The following SORCS2 variants were observed in gnomAD, a reference collection of about 807,000 sequenced individuals.
SORCS2 encodes VPS10 domain-containing receptor SorCS2.
SORCS2 carries 100 observed loss-of-function variants against 141.6 expected under a neutral mutation model. The observed-to-expected ratio is 0.71, with a 90% CI of 0.60 to 0.83. SORCS2 has a LOEUF of 0.83. SORCS2 is among the 40% of genes least tolerant of loss of function. The pLI, the probability that SORCS2 is intolerant of heterozygous loss-of-function variation, is 0.00. For missense variants in SORCS2, 1,646 were observed against 1,560.2 expected (o/e 1.05, Z -0.93); for synonymous variants, 789 against 676.9 (o/e 1.17, Z -2.57).
rs546444856 is a variant in SORCS2, at chr4:7,331,104, C to T, written c.481-65184C>T. ...CTCCAGGGCCAGGGAGGGCTAGGGGCGGCGAGAGGCTGGGGGTGGGGACAG... is the reference window on the plus strand; with the variant it reads ...CTCCAGGGCCAGGGAGGGCTAGGGGTGGCGAGAGGCTGGGGGTGGGGACAG... On this transcript the variant is annotated intron_variant, in intron 1 of 26. Coordinates refer to ENST00000507866, the MANE Select transcript of SORCS2 (RefSeq NM_020777.3). Among the ~76,000 whole-genome samples, 493 of 147,654 alleles carry T rather than the reference C, an allele frequency of 3.3e-3. 1 individual carries two copies. The highest frequency in any genetic ancestry group is 6.9e-3 in the East Asian group (34 of 4,956).
At chr4:7,667,093 C>G in intron 7 of SORCS2, 31 bp from the exon 8 acceptor site, 2 of 1,580,550 alleles carry the variant, frequency 1.3e-6, no homozygotes, top group South Asian at 1.1e-5. Context: ...GGAATCAAGC[C>G]TCTCAAAAAT....
chr4:7,580,795 G>A (rs996199057), intron 3 of SORCS2, among the ~76,000 whole-genome samples: 2 of 152,108 alleles, frequency 1.3e-5, no homozygotes, highest in African/African-American at 4.8e-5. Flanking sequence ...TTCTTCCATC[G>A]TGTAAAAGTT....
chr4:7,534,928 T>C (rs1447058125), intron 3 of SORCS2, among the ~76,000 whole-genome samples: 1 of 152,090 alleles, frequency 6.6e-6, no homozygotes, highest in Non-Finnish European at 1.5e-5. Flanking sequence ...GCTGCAGGGG[T>C]TGGGGCTGGG....
chr4:7,609,794 C>T (rs900689966), intron 3 of SORCS2, among the ~76,000 whole-genome samples: 4 of 152,244 alleles, frequency 2.6e-5, no homozygotes, highest in African/African-American at 4.8e-5. Flanking sequence ...GTCTCCGCTG[C>T]GCACTCTCAT....
At chr4:7,532,374 C>T (rs1276339610) in intron 3 of SORCS2, among the ~76,000 whole-genome samples, 14 of 152,246 alleles carry the variant, frequency 9.2e-5, no homozygotes, top group Admixed American at 9.2e-4. Context: ...ATGTCACCCA[C>T]ACCTCGCACA....
intron 8 of SORCS2, among the ~76,000 whole-genome samples, chr4:7,667,753 C>G (rs985249640): frequency 3.9e-5 from 6 of 152,190 alleles, no homozygotes; most frequent in Admixed American, 1.3e-4. Flanking sequence ...CCTTAGAAGG[C>G]GAAGAAGGGG....
chr4:7,338,126 GATGGATGGATGTTGGTTGC>G (rs1282580348), intron 1 of SORCS2, among the ~76,000 whole-genome samples: 1 of 151,934 alleles, frequency 6.6e-6, no homozygotes, highest in Non-Finnish European at 1.5e-5. Context: ...TGGATGGATG[GATGGATGGATGTTGGTTGC>G]ATGGATGGAT....
chr4:7,539,978 C>T (rs1712465333), intron 3 of SORCS2, among the ~76,000 whole-genome samples: 1 of 149,788 alleles, frequency 6.7e-6, no homozygotes, highest in African/African-American at 2.5e-5. Flanking sequence ...ACCGCCCCTT[C>T]CTGTTGCAAA....
At chr4:7,415,500 C>A (rs936011189) in intron 2 of SORCS2, among the ~76,000 whole-genome samples, 2 of 152,170 alleles carry the variant, frequency 1.3e-5, no homozygotes, top group African/African-American at 4.8e-5. Context: ...CTTTTAGGGA[C>A]CCCTGGGGTG....
intron 1 of SORCS2, among the ~76,000 whole-genome samples, chr4:7,242,785 G>C (rs886474841): frequency 2.0e-5 from 3 of 152,192 alleles, no homozygotes; most frequent in African/African-American, 7.2e-5. Flanking sequence ...GCTGATGCTC[G>C]GTCAGTCTTA....
At chr4:7,662,843 G>A (rs73794362) in intron 6 of SORCS2, among the ~76,000 whole-genome samples, 3,344 of 152,284 alleles carry the variant, frequency 0.022, 120 homozygotes, top group African/African-American at 0.076. Flanking sequence ...TATACCCAGC[G>A]CACAACCCAT....
intron 1 of SORCS2, among the ~76,000 whole-genome samples, chr4:7,258,159 A>G (rs574758264): frequency 6.6e-6 from 1 of 152,146 alleles, no homozygotes; most frequent in African/African-American, 2.4e-5. Context: ...ATTTTTTTTT[A>G]AAATTATACT....
At chr4:7,213,643 C>G (rs4234796) in intron 1 of SORCS2, among the ~76,000 whole-genome samples, 140,356 of 152,272 alleles carry the variant, frequency 0.92, 64,783 homozygotes, top group East Asian at 1. Context: ...TCGGGAGCCT[C>G]GCTGGGGTCT....
chr4:7,388,085 C>T (rs1030586398), intron 1 of SORCS2, among the ~76,000 whole-genome samples: 35 of 145,238 alleles, frequency 2.4e-4, no homozygotes, highest in African/African-American at 8.7e-4. Flanking sequence ...TACACACACA[C>T]ATGCACACAC....
At position 7,394,358 on chromosome 4, in the gene SORCS2, G is replaced by A. The variant is rs1427513982; in HGVS notation, c.481-1930G>A. On this transcript the variant is annotated intron_variant, in intron 1 of 26. Transcript: ENST00000507866. Reference sequence around the variant, plus strand: ...AACAGTTTATCCCTCAGCAGTAGAAGCAGACCCTGTGAGCTGTGTGGGGTT... The same window carrying A: ...AACAGTTTATCCCTCAGCAGTAGAAACAGACCCTGTGAGCTGTGTGGGGTT... Among the ~76,000 whole-genome samples, 3 of 150,444 alleles carry A rather than the reference G, an allele frequency of 2.0e-5. No homozygotes were observed. The East Asian group carries it at 5.9e-4, about 30-fold the overall frequency.
intron 1 of SORCS2, among the ~76,000 whole-genome samples, chr4:7,393,055 C>T (rs1191156242): frequency 6.6e-6 from 1 of 152,106 alleles, no homozygotes; most frequent in African/African-American, 2.4e-5. Context: ...TCCCCACGGC[C>T]GGGAGGACGG....
intron 3 of SORCS2, among the ~76,000 whole-genome samples, chr4:7,541,271 T>G (rs1385735084): frequency 2.6e-5 from 4 of 152,190 alleles, no homozygotes; most frequent in African/African-American, 9.6e-5. Context: ...GCACACAGTC[T>G]CATCCATGGT....
At chr4:7,623,473 G>A (rs1010290027) in intron 3 of SORCS2, among the ~76,000 whole-genome samples, 1 of 152,006 alleles carries the variant, frequency 6.6e-6, no homozygotes, top group Non-Finnish European at 1.5e-5. Context: ...TCTCTTCTCA[G>A]CCATGAGGAA....
chr4:7,222,796 G>A (rs958292211), intron 1 of SORCS2, among the ~76,000 whole-genome samples: 2 of 152,076 alleles, frequency 1.3e-5, no homozygotes, highest in Non-Finnish European at 2.9e-5. Context: ...TGTGGGTGCT[G>A]GGCACGGCAG....
Sources: allele counts gnomAD v4.1 joint callset (sites outside exome capture counted in the v4.1 genomes callset), GRCh38; gene constraint gnomAD v4.1.1; transcripts MANE v1.5; gene names NCBI Gene and HGNC (gene_info 2026-07-23, HGNC 2026-07-21).